Variants in STAB1 observed in about 807,000 individuals in gnomAD.
STAB1 encodes the protein stabilin 1, also known as stabilin-1.
STAB1 carries 250 observed loss-of-function variants against 332.4 expected under a neutral mutation model. The observed-to-expected ratio is 0.75, with a 90% confidence interval of 0.68 to 0.84. The LOEUF is 0.84. Among genes scored for constraint, STAB1 ranks in the 40% least tolerant of loss-of-function variants. STAB1 has a pLI of 0.00. For missense variants in STAB1, 3,249 were observed against 3,489.7 expected, an observed-to-expected ratio of 0.93 and a Z score of 1.74; for synonymous variants, 1,475 against 1,390.4, an observed-to-expected ratio of 1.06 and a Z score of -1.35.
chr3:52,513,586 C>A (rs1709450176), intron 30 of STAB1, 131 bp from the exon 31 acceptor site: 1 of 929,452 alleles, frequency 1.1e-6, no homozygotes, highest in Non-Finnish European at 1.6e-6. Flanking sequence ...CTGTGCAGAA[C>A]CCAGCTTGTG....
chr3:52,521,113 G>A, intron 55 of STAB1, 108 bp downstream of exon 55: 2 of 1,349,772 alleles, frequency 1.5e-6, no homozygotes, highest in Non-Finnish European at 2.0e-6. Flanking sequence ...GGGCTGGGGA[G>A]CTCTGGGTGG....
Position 52,515,003 on chromosome 3 carries a change from C to T in STAB1, c.3822C>T (p.Asn1274=). 1.2e-6 allele frequency: 2 copies of T among 1,613,572 alleles called. No individual in the cohort carries two copies. The highest frequency in any genetic ancestry group is 1.7e-6 in the Non-Finnish European group (2 of 1,180,006). Residue 1274 remains asparagine (N), a synonymous_variant, in exon 36 of 69, where the codon AAC becomes AAT. Coordinates refer to ENST00000321725, the MANE Select transcript of STAB1 (RefSeq NM_015136.3). ...HAEALREKCV[N]CTRRFRCTQG... ...TTTCCCTCTAGGAGAAATGTGTAAACTGCACCAGGAGATTCCGCTGCACTC... is the reference window on the plus strand; with the variant it reads ...TTTCCCTCTAGGAGAAATGTGTAAATTGCACCAGGAGATTCCGCTGCACTC...
At chr3:52,505,407 C>T in intron 14 of STAB1, 26 bp downstream of exon 14, 1 of 1,607,518 alleles carries the variant, frequency 6.2e-7, no homozygotes, top group Non-Finnish European at 8.5e-7. Flanking sequence ...GGGTCCTAGC[C>T]CATGTGGGCT....
intron 17 of STAB1, 44 bp downstream of exon 17, chr3:52,506,294 A>C (rs1578374900): frequency 6.5e-7 from 1 of 1,548,156 alleles, no homozygotes; most frequent in Admixed American, 1.8e-5. Flanking sequence ...GCTGGCGGTG[A>C]CCAGCTGCCC....
At position 52,511,672 on chromosome 3, in the gene STAB1, G is replaced by T. The variant is rs771985115; in HGVS notation, c.2810G>T (p.Gly937Val). 5.2e-5 allele frequency: 83 copies of T among 1,610,846 alleles called. No individual in the cohort carries two copies. Among genetic ancestry groups the T allele is most frequent in the Non-Finnish European group, 6.9e-5 (81 of 1,178,742 alleles). The change falls in exon 26 of 69, where the codon GGC becomes GTC. Residue 937 changes from glycine (G) to valine (V), a missense_variant. Physicochemically the swap from Gly to Val is moderately radical, Grantham distance 109. Transcript: ENST00000321725. ...CAGAGCCGATGCACCTGCAAGCTGGGCTTTGCCGGGGATGGCTACCAGTGC... is the reference window on the plus strand; with the variant it reads ...CAGAGCCGATGCACCTGCAAGCTGGTCTTTGCCGGGGATGGCTACCAGTGC... Reference protein sequence around the residue: ...PGQSRCTCKLGFAGDGYQCSP... With the variant: ...PGQSRCTCKLVFAGDGYQCSP...
intron 55 of STAB1, 131 bp downstream of exon 55, chr3:52,521,136 A>T: frequency 8.0e-7 from 1 of 1,253,362 alleles, no homozygotes; most frequent in Non-Finnish European, 1.1e-6. Context: ...AGTAGATTTT[A>T]CTAGCGGGAG....
chr3:52,519,613 A>AGT lies in STAB1; in HGVS notation c.5235+55_5235+56dup, dbSNP rs759910607. The AGT allele has an allele frequency of 1.0e-4, 38 of 372,050 alleles. 1 individual carries two copies. The highest frequency in any genetic ancestry group is 5.8e-4 in the African/African-American group (21 of 36,290). 23.0% of individuals were successfully genotyped at this position (372,050 alleles called of 1,614,324 possible). On this transcript the variant is annotated intron_variant, in intron 50 of 68. Coordinates refer to ENST00000321725, the MANE Select transcript of STAB1 (RefSeq NM_015136.3). ...CATTGTGGACACACATGCACGTGTA[A>AGT]GTGTGTGCAAGTGTGTATGCGTACC... is the stretch of plus-strand genomic sequence containing the variant.
chr3:52,501,917 G>T, intron 3 of STAB1, 89 bp from the exon 4 acceptor site: 2 of 1,528,280 alleles, frequency 1.3e-6, no homozygotes, highest in Non-Finnish European at 1.8e-6. Flanking sequence ...CCTTGGGGGA[G>T]GGGCCGAGTC....
chr3:52,519,648 A>C, intron 50 of STAB1, 84 bp downstream of exon 50: 2 of 1,566,250 alleles, frequency 1.3e-6, no homozygotes, highest in Non-Finnish European at 1.8e-6. Context: ...CTGTGTGTGC[A>C]TACCCACCTG....
At chr3:52,501,557 C>A in intron 2 of STAB1, 81 bp from the exon 3 acceptor site, 4 of 1,349,234 alleles carry the variant, frequency 3.0e-6, no homozygotes, top group Non-Finnish European at 4.1e-6. Flanking sequence ...GGGTGGGAGC[C>A]CCGGAAGCCA....
At chr3:52,502,128 G>A in intron 4 of STAB1, 31 bp from the exon 5 acceptor site, 1 of 1,613,544 alleles carries the variant, frequency 6.2e-7, no homozygotes, top group Non-Finnish European at 8.5e-7. Context: ...GGCTCAGAGG[G>A]GCCACGCTGA....
chr3:52,519,701 C>T lies in STAB1; in HGVS notation c.5235+137C>T. 5.3e-6 allele frequency: 7 copies of T among 1,319,032 alleles called. 1 individual carries two copies. The highest frequency in any genetic ancestry group is 4.2e-5 in the South Asian group (3 of 71,696). 81.7% of individuals were successfully genotyped at this position (1,319,032 alleles called of 1,614,324 possible). ...GTGAGCCTGTGTGAACTCATGTGTG[C>T]ACAAGCCACATCTGTGTGCATGTGC... On this transcript the variant is annotated intron_variant, in intron 50 of 68. Coordinates refer to ENST00000321725, the MANE Select transcript of STAB1 (RefSeq NM_015136.3).
chr3:52,509,060 C>T (rs1040315719), intron 21 of STAB1, 150 bp from the exon 22 acceptor site: 40 of 674,354 alleles, frequency 5.9e-5, no homozygotes, highest in Non-Finnish European at 7.9e-5. Context: ...AGGTCTTTGG[C>T]GGCATCAGTG....
chr3:52,511,255 G>A (rs1398005842), intron 25 of STAB1, among the ~76,000 whole-genome samples: 1 of 152,226 alleles, frequency 6.6e-6, no homozygotes, highest in East Asian at 1.9e-4. Flanking sequence ...TTGGTTGGGG[G>A]ATTAGAGCAG....
chr3:52,523,824 G>A (rs368219535), intron 66 of STAB1, 47 bp from the exon 67 acceptor site: 1 of 1,583,444 alleles, frequency 6.3e-7, no homozygotes, highest in African/African-American at 1.3e-5. Flanking sequence ...CGGGGAAGGT[G>A]GTGGGACAGC....
In STAB1 at chr3:52,510,471, C is replaced by T; in HGVS notation, c.2751C>T (p.His917=). 1 of 1,613,696 alleles carries T rather than the reference C, an allele frequency of 6.2e-7. No individual in the cohort carries two copies. Among genetic ancestry groups the T allele is most frequent in the Non-Finnish European group, 8.5e-7 (1 of 1,179,984 alleles). ...ECELDMRGGC[H]TDALCSYVGP... ...AGCTGGACATGAGAGGTGGCTGCCA[C>T]ACCGATGCCCTCTGCAGCTATGTGG... Residue 917 remains histidine, a synonymous_variant, in exon 25 of 69, where the codon CAC becomes CAT. Transcript: ENST00000321725.
At position 52,507,243 on chromosome 3, in the gene STAB1, C is replaced by T. The variant is rs150369535; in HGVS notation, c.1990-370C>T. ...TATTTTTAGTAGAGATGGGATTTCA[C>T]CATGTTGGCCAGGCTGGTTTCAAAC... On this transcript the variant is annotated intron_variant, in intron 18 of 68. Transcript: ENST00000321725. 2.9e-3 allele frequency among the ~76,000 whole-genome samples: 441 copies of T among 152,338 alleles called. 2 individuals carry two copies. The highest frequency in any genetic ancestry group is 9.9e-3 in the African/African-American group (412 of 41,588).
Position 52,524,224 on chromosome 3 carries a change from A to G in STAB1, c.7656+11A>G, listed in dbSNP as rs775707761. On this transcript the variant is annotated intron_variant, in intron 68 of 68. Coordinates refer to ENST00000321725, the MANE Select transcript of STAB1 (RefSeq NM_015136.3). ...TGTGAACCCTTCGATGTAAGCATGG[A>G]AGTGAAGAAGTGTGGCAGATGTGGG... 2.5e-6 allele frequency: 4 copies of G among 1,614,048 alleles called. 1 individual carries two copies. The Admixed American group carries it at 6.7e-5, about 27-fold the overall frequency.
Position 52,521,833 on chromosome 3 carries a change from C to G in STAB1, c.6164-11C>G, listed in dbSNP as rs376520156. 5 of 1,593,516 alleles carry G rather than the reference C, an allele frequency of 3.1e-6. No individual in the cohort carries two copies. In the African/African-American group the frequency reaches 5.4e-5, roughly 17 times the overall value. On this transcript the variant is annotated splice_polypyrimidine_tract_variant and intron_variant, in intron 57 of 68. Coordinates refer to ENST00000321725, the MANE Select transcript of STAB1 (RefSeq NM_015136.3). The stretch of plus-strand genomic sequence containing the variant: ...CTAACCTGGTTCTGGGGGCTGGGCC[C>G]TGGGGGACAGAGCTGCAGCCTGTGT...
Sources: gnomAD v4.1 joint callset for allele counts (sites outside exome capture counted in the v4.1 genomes callset) on GRCh38, gnomAD v4.1.1 for gene constraint, MANE v1.5 for transcripts, NCBI Gene and HGNC (gene_info 2026-07-23, HGNC 2026-07-21) for gene names.